Variants in DNAH3 observed in about 807,000 individuals in gnomAD.
DNAH3 encodes the protein dynein axonemal heavy chain 3, also known as axonemal beta dynein heavy chain 3.
In DNAH3, 332 loss-of-function variants were observed where a neutral mutation model predicts 432.5. That is an observed-to-expected ratio of 0.77 (90% CI 0.70 to 0.84). DNAH3 has a LOEUF of 0.84. Ranked by LOEUF, DNAH3 falls within the 40% of genes least tolerant of loss-of-function variation. The pLI, the probability that DNAH3 is intolerant of heterozygous loss-of-function variation, is 0.00. For synonymous variants in DNAH3, 1,956 were observed against 1,900.2 expected, an observed-to-expected ratio of 1.03 and a Z score of -0.76; for missense variants, 4,861 against 5,114.0, an observed-to-expected ratio of 0.95 and a Z score of 1.51.
intron 53 of DNAH3, among the ~76,000 whole-genome samples, chr16:20,962,674 G>T (rs1359457660): frequency 6.6e-6 from 1 of 151,994 alleles, no homozygotes; most frequent in African/African-American, 2.4e-5. Context: ...TTCTTTTTTG[G>T]GGGGAGGGGG....
At chr16:21,020,863 C>T (rs1233320005) in intron 40 of DNAH3, among the ~76,000 whole-genome samples, 1 of 152,116 alleles carries the variant, frequency 6.6e-6, no homozygotes, top group Non-Finnish European at 1.5e-5. Flanking sequence ...AGAACTGAAG[C>T]TCTTTGCCCA....
At chr16:21,141,423 A>G in intron 3 of DNAH3, 51 bp from the exon 5 acceptor site, 1 of 1,362,926 alleles carries the variant, frequency 7.3e-7, no homozygotes, top group African/African-American at 1.4e-5. Context: ...GCCTTGGGCC[A>G]TTCTCCGTCC....
chr16:21,144,860 G>A (rs1597485684), intron 3 of DNAH3, among the ~76,000 whole-genome samples: 2 of 152,222 alleles, frequency 1.3e-5, no homozygotes, highest in African/African-American at 4.8e-5. Context: ...GCTCATGCCT[G>A]TAATCCCAGC....
intron 5 of DNAH3, 97 bp from the exon 7 acceptor site, chr16:21,136,610 C>T: frequency 9.3e-7 from 1 of 1,077,350 alleles, no homozygotes; most frequent in South Asian, 1.4e-5. Flanking sequence ...ATTCATACAG[C>T]ATTCGTCTGC....
Position 20,968,725 on chromosome 16 carries a change from C to T in DNAH3, c.8458+1067G>A, listed in dbSNP as rs576386626. On this transcript the variant is annotated intron_variant, in intron 52 of 61. Transcript: ENST00000261383. ...ATTGCCGTCTCTGCCTCTCTTTGCC[C>T]TTGTCTCCTGCCCATGTCTCTCTCC... 2.0e-5 allele frequency among the ~76,000 whole-genome samples: 3 copies of T among 151,890 alleles called. No individual in the cohort carries two copies. In the East Asian group the frequency reaches 5.8e-4, roughly 30 times the overall value.
Position 20,933,261 on chromosome 16 carries a change from T to TG in DNAH3, c.12243dup (p.Thr4082HisfsTer12). On this transcript the variant is annotated frameshift_variant, in exon 62 of 62. Transcript: ENST00000261383. LOFTEE classifies it high-confidence loss of function. ...AGGACATAGTTGGTAGAGTGGCCTGTGGTGGAGAGGGTTCCTCTGCGGGCA... is the reference window on the plus strand; with the variant it reads ...AGGACATAGTTGGTAGAGTGGCCTGTGGGTGGAGAGGGTTCCTCTGCGGGCA... 6.2e-7 allele frequency: 1 copy of TG among 1,614,240 alleles called. No individual in the cohort carries two copies. The highest frequency in any genetic ancestry group is 8.5e-7 in the Non-Finnish European group (1 of 1,180,040).
chr16:21,097,255 G>A, intron 18 of DNAH3, 100 bp downstream of exon 18: 1 of 1,395,346 alleles, frequency 7.2e-7, no homozygotes, highest in Non-Finnish European at 1.0e-6. Context: ...CTGATTAAAA[G>A]TCCAGCCAGA....
chr16:21,054,479 C>T (rs2090065483), exon 28 of DNAH3: 2 of 1,614,076 alleles, frequency 1.2e-6, no homozygotes, highest in Non-Finnish European at 1.7e-6. Context: ...GCTCAGCTTC[C>T]CTCGCACCAG....
chr16:20,935,371 C>CA lies in DNAH3; in HGVS notation c.11973dup (p.Asp3992Ter), dbSNP rs2083549389. Reference sequence around the variant, plus strand: ...ACCTCAAACTCAAATCCAATGTGGTCAATGGGGATGGTATATTTCCGGGCA... The same window carrying CA: ...ACCTCAAACTCAAATCCAATGTGGTCAAATGGGGATGGTATATTTCCGGGCA... On this transcript the variant is annotated frameshift_variant, in exon 61 of 62. Coordinates refer to ENST00000261383, the Ensembl canonical transcript of DNAH3. LOFTEE classifies it high-confidence loss of function. The CA allele has an allele frequency of 6.2e-7, 1 of 1,613,810 alleles. No homozygotes were observed. Among genetic ancestry groups the CA allele is most frequent in the Non-Finnish European group, 8.5e-7 (1 of 1,179,988 alleles).
chr16:21,069,654 T>C, intron 22 of DNAH3, 60 bp from the exon 23 acceptor site: 5 of 1,420,980 alleles, frequency 3.5e-6, no homozygotes, highest in Non-Finnish European at 4.8e-6. Flanking sequence ...CACAGGCCCA[T>C]GGAGAGAGCA....
chr16:21,007,527 A>G (rs1445360564), intron 41 of DNAH3, among the ~76,000 whole-genome samples: 2 of 152,082 alleles, frequency 1.3e-5, no homozygotes, highest in Non-Finnish European at 2.9e-5. Context: ...ATAACGGTCT[A>G]TTCAGATATT....
At chr16:21,072,232 A>T (rs1334262113) in intron 21 of DNAH3, among the ~76,000 whole-genome samples, 1 of 90,876 alleles carries the variant, frequency 1.1e-5, no homozygotes, top group Non-Finnish European at 2.2e-5. Flanking sequence ...TTAATTAATT[A>T]ATTAATTAAT....
intron 12 of DNAH3, among the ~76,000 whole-genome samples, chr16:21,114,959 A>G (rs2092153727): frequency 6.6e-6 from 1 of 152,244 alleles, no homozygotes; most frequent in African/African-American, 2.4e-5. Context: ...TTATTGTGGC[A>G]CTATTCACAA....
At chr16:20,974,832 T>C (rs2085508736) in intron 51 of DNAH3, among the ~76,000 whole-genome samples, 2 of 150,320 alleles carry the variant, frequency 1.3e-5, no homozygotes, top group South Asian at 4.2e-4. Flanking sequence ...TTATTATTAT[T>C]ATTTTTTTAG....
intron 12 of DNAH3, among the ~76,000 whole-genome samples, chr16:21,115,140 G>C (rs1300773584): frequency 6.6e-6 from 1 of 151,906 alleles, no homozygotes; most frequent in East Asian, 1.9e-4. Context: ...ACTATCACAG[G>C]CACAAAAAAC....
At chr16:21,086,671 G>A (rs975301333) in intron 19 of DNAH3, among the ~76,000 whole-genome samples, 178 bp downstream of exon 19, 1 of 152,198 alleles carries the variant, frequency 6.6e-6, no homozygotes, top group Non-Finnish European at 1.5e-5. Flanking sequence ...AGGGGGCAGG[G>A]AGTTCATTCT....
intron 55 of DNAH3, among the ~76,000 whole-genome samples, 188 bp downstream of exon 55, chr16:20,954,625 A>G (rs1239205842): frequency 6.6e-6 from 1 of 152,160 alleles, no homozygotes; most frequent in Non-Finnish European, 1.5e-5. Context: ...ATACAGTGAG[A>G]GTTTAATATT....
At chr16:21,087,453 G>T (rs1401359327) in intron 18 of DNAH3, among the ~76,000 whole-genome samples, 1 of 152,212 alleles carries the variant, frequency 6.6e-6, no homozygotes, top group Non-Finnish European at 1.5e-5. Flanking sequence ...GGAGGCCAAG[G>T]TGGGAGGACT....
chr16:20,940,010 T>C (rs1371074455), intron 59 of DNAH3, among the ~76,000 whole-genome samples: 1 of 152,244 alleles, frequency 6.6e-6, no homozygotes, highest in East Asian at 1.9e-4. Flanking sequence ...CCAGAGATCC[T>C]TGCCCCATGG....
Sources: allele counts gnomAD v4.1 joint callset (sites outside exome capture counted in the v4.1 genomes callset), GRCh38; gene constraint gnomAD v4.1.1; transcripts MANE v1.5; gene names NCBI Gene and HGNC (gene_info 2026-07-23, HGNC 2026-07-21).